ARHGEF26: variants seen among roughly 807,000 people sequenced by gnomAD.
The protein encoded by ARHGEF26 is Rho guanine nucleotide exchange factor (GEF) 26.
A neutral mutation model predicts 89.4 loss-of-function variants in ARHGEF26; 59 were observed. The ratio of observed to expected loss-of-function variants is 0.66; its 90% CI spans 0.54 to 0.82. The LOEUF (loss-of-function observed/expected upper bound fraction) is 0.82. Among genes scored for constraint, ARHGEF26 ranks in the 40% least tolerant of loss-of-function variants. ARHGEF26 has a pLI of 0.00. For missense variants in ARHGEF26, 1,234 were observed against 1,085.6 expected (o/e 1.14, Z -1.92); for synonymous variants, 500 against 428.4 (o/e 1.17, Z -2.06).
chr3:154,226,069 G>C (rs970522649), intron 11 of ARHGEF26, 59 bp downstream of exon 11: 1 of 1,488,962 alleles, frequency 6.7e-7, no homozygotes, highest in Non-Finnish European at 9.1e-7. Flanking sequence ...CTGTAATTCA[G>C]ATGCCTGTTA....
Position 154,254,793 on chromosome 3 carries a change from C to T in ARHGEF26, c.2442C>T (p.Asp814=), listed in dbSNP as rs753106198. 6.8e-6 allele frequency: 11 copies of T among 1,613,676 alleles called. No individual in the cohort carries two copies. The highest frequency in any genetic ancestry group is 4.5e-5 in the East Asian group (2 of 44,874). Residue 814 remains aspartate, a synonymous_variant, in exon 14 of 15, where the codon GAC becomes GAT. Transcript: ENST00000465093. ...ATGAACTCTCCCTGCAGGTGGCTGA[C>T]GTCGTCCTCATCTATCAACGTGTCA... ...QPDELSLQVA[D]VVLIYQRVSD... is the part of the protein sequence containing the mutation.
In ARHGEF26 at chr3:154,179,998, G is replaced by A. The variant is rs80310399; in HGVS notation, c.1488-7687G>A. On this transcript the variant is annotated intron_variant, in intron 6 of 14. Coordinates refer to ENST00000465093, the MANE Select transcript of ARHGEF26 (RefSeq NM_015595.4). ...TTCTGGAGGCTGTAGGGGAGAATCC[G>A]TTTTCTTGCCTTTTTCAGCTTCTAG... 3.7e-3 allele frequency among the ~76,000 whole-genome samples: 564 copies of A among 152,198 alleles called. 36 individuals are homozygous for A. The East Asian group carries it at 0.1, about 28-fold the overall frequency.
Position 154,256,179 on chromosome 3 carries a change from C to T in ARHGEF26, c.*706C>T, listed in dbSNP as rs1718493294. ...ACTAATTAACCTAAGCTACCTTTAA[C>T]AACGTAGAATTTAGATGGGTTCATA... On this transcript the variant is annotated 3_prime_UTR_variant, in exon 15 of 15. Coordinates refer to ENST00000465093, the MANE Select transcript of ARHGEF26 (RefSeq NM_015595.4). 3.0e-6 allele frequency: 3 copies of T among 985,676 alleles called. No homozygotes were observed. The highest frequency in any genetic ancestry group is 3.6e-6 in the Non-Finnish European group (3 of 829,850). 61.1% of individuals were successfully genotyped at this position (985,676 alleles called of 1,614,324 possible). A position where few individuals can be genotyped will look rare whatever the true frequency, so the allele number is the denominator to read the frequency against.
intron 2 of ARHGEF26, 123 bp downstream of exon 2, chr3:154,123,198 C>G: frequency 7.1e-7 from 1 of 1,402,448 alleles, no homozygotes; most frequent in Non-Finnish European, 9.6e-7. Context: ...GTGTTTTGCT[C>G]TTGATTGCTA....
chr3:154,186,427 A>G (rs899787392), intron 6 of ARHGEF26, among the ~76,000 whole-genome samples: 2 of 151,986 alleles, frequency 1.3e-5, no homozygotes, highest in African/African-American at 2.4e-5. Context: ...GTGTATATCT[A>G]TTTAGGTGAC....
chr3:154,197,022 G>A (rs1348737711), intron 9 of ARHGEF26, among the ~76,000 whole-genome samples: 1 of 151,988 alleles, frequency 6.6e-6, no homozygotes, highest in Non-Finnish European at 1.5e-5. Flanking sequence ...CATTCCTTCA[G>A]GCATCTCTTG....
At chr3:154,230,233 T>G (rs1229563992) in intron 11 of ARHGEF26, among the ~76,000 whole-genome samples, 1 of 152,026 alleles carries the variant, frequency 6.6e-6, no homozygotes, top group Non-Finnish European at 1.5e-5. Flanking sequence ...AGTGAGTGGC[T>G]TAAAACAGTC....
At position 154,257,215 on chromosome 3, in the gene ARHGEF26, G is replaced by A; in HGVS notation, c.*1742G>A. On this transcript the variant is annotated 3_prime_UTR_variant, in exon 15 of 15. Transcript: ENST00000465093. ...CCTTGGATTGCTCTTTTTGACCTGTGCATACCTTCTAATTGTAAAATATAT... is the reference window on the plus strand; with the variant it reads ...CCTTGGATTGCTCTTTTTGACCTGTACATACCTTCTAATTGTAAAATATAT... 3.0e-6 allele frequency: 1 copy of A among 332,786 alleles called. No individual in the cohort carries two copies. The highest frequency in any genetic ancestry group is 5.4e-6 in the Non-Finnish European group (1 of 185,018). 20.6% of individuals were successfully genotyped at this position (332,786 alleles called of 1,614,324 possible).
At chr3:154,254,337 A>C (rs553481208) in intron 13 of ARHGEF26, among the ~76,000 whole-genome samples, 1 of 152,286 alleles carries the variant, frequency 6.6e-6, no homozygotes, top group Non-Finnish European at 1.5e-5. Context: ...AGACACTCTG[A>C]TGAGAGCCAG....
chr3:154,135,093 CAT>C (rs372908118), intron 4 of ARHGEF26, among the ~76,000 whole-genome samples: 2 of 152,208 alleles, frequency 1.3e-5, no homozygotes, highest in East Asian at 3.9e-4. Flanking sequence ...ATGCTGGCCT[CAT>C]AGAATGAGAG....
In ARHGEF26 at chr3:154,129,637, C is replaced by G. The variant is rs751565334; in HGVS notation, c.1187C>G (p.Ser396Ter). The change falls in exon 4 of 15, where the codon TCA becomes TGA. Residue 396 changes from serine (S) to a stop codon, truncating the protein, a stop_gained. Transcript: ENST00000465093. LOFTEE classifies it high-confidence loss of function. ...CTTGACATTGATTCTGATGAAGAGTCAGAGCCCAAAGAACAGAAGTCAGAT... is the reference window on the plus strand; with the variant it reads ...CTTGACATTGATTCTGATGAAGAGTGAGAGCCCAAAGAACAGAAGTCAGAT... ...KALDIDSDEE[S>*]EPKEQKSDEK... 10 of 1,611,694 alleles carry G rather than the reference C, an allele frequency of 6.2e-6. No individual in the cohort carries two copies. In the South Asian group the frequency reaches 1.1e-4, roughly 18 times the overall value.
chr3:154,214,734 A>G (rs1176682702), intron 9 of ARHGEF26, among the ~76,000 whole-genome samples: 1 of 152,192 alleles, frequency 6.6e-6, no homozygotes, highest in Non-Finnish European at 1.5e-5. Context: ...AAATGTCCCA[A>G]GCAGCAGGAG....
intron 12 of ARHGEF26, among the ~76,000 whole-genome samples, chr3:154,249,265 T>TA (rs1182824435): frequency 6.6e-6 from 1 of 152,212 alleles, no homozygotes; most frequent in Non-Finnish European, 1.5e-5. Context: ...AGTATGTATC[T>TA]ATGTTTTGTA....
At chr3:154,121,611 G>A in intron 1 of ARHGEF26, 92 bp downstream of exon 1, 1 of 208,104 alleles carries the variant, frequency 4.8e-6, no homozygotes, top group Non-Finnish European at 9.6e-6. Flanking sequence ...GCGTCCCGCG[G>A]CGAGTTTCCC....
At chr3:154,233,836 C>T (rs1716954049) in intron 11 of ARHGEF26, among the ~76,000 whole-genome samples, 1 of 152,200 alleles carries the variant, frequency 6.6e-6, no homozygotes, top group South Asian at 2.1e-4. Flanking sequence ...TCTGAAAAAA[C>T]GCAGGCAGCT....
chr3:154,244,328 G>A (rs1227500562), intron 12 of ARHGEF26, among the ~76,000 whole-genome samples: 2 of 152,150 alleles, frequency 1.3e-5, no homozygotes, highest in Admixed American at 1.3e-4. Flanking sequence ...GTGAAATTGT[G>A]GAAGAAAAAT....
intron 2 of ARHGEF26, 51 bp downstream of exon 2, chr3:154,123,126 G>A (rs1718103047): frequency 6.2e-7 from 1 of 1,601,222 alleles, no homozygotes; most frequent in Non-Finnish European, 8.5e-7. Context: ...GAAAGTAAAT[G>A]TGTTGGGAGT....
chr3:154,226,072 G>A (rs926497098), intron 11 of ARHGEF26, 62 bp downstream of exon 11: 21 of 1,380,492 alleles, frequency 1.5e-5, no homozygotes, highest in Admixed American at 2.5e-5. Flanking sequence ...TAATTCAGAT[G>A]CCTGTTAGGG....
At chr3:154,190,163 T>C (rs1443009598) in intron 7 of ARHGEF26, among the ~76,000 whole-genome samples, 1 of 151,860 alleles carries the variant, frequency 6.6e-6, no homozygotes, top group Admixed American at 6.6e-5. Context: ...TGGGATGAAG[T>C]GAGGTAAGAG....
Sources: allele counts gnomAD v4.1 joint callset (sites outside exome capture counted in the v4.1 genomes callset), GRCh38; gene constraint gnomAD v4.1.1; transcripts MANE v1.5; gene names NCBI Gene and HGNC (gene_info 2026-07-23, HGNC 2026-07-21).